TADA2A: variants seen among roughly 807,000 people sequenced by gnomAD.
The protein encoded by TADA2A is transcriptional adaptor 2A, also known as transcriptional adapter 2-alpha.
Under a neutral mutation model 67.4 loss-of-function variants are expected in TADA2A, and 38 were observed. The observed-to-expected ratio is 0.56, with a 90% CI of 0.44 to 0.74. The LOEUF (loss-of-function observed/expected upper bound fraction) is 0.74. Among genes scored for constraint, TADA2A ranks in the 30% least tolerant of loss-of-function variants. The pLI is 0.00. For missense variants in TADA2A, 454 were observed against 547.0 expected (o/e 0.83, Z 1.70); for synonymous variants, 192 against 181.6 (o/e 1.06, Z -0.46).
chr17:37,441,479 CG>C (rs987994628), intron 6 of TADA2A, among the ~76,000 whole-genome samples: 46 of 152,166 alleles, frequency 3.0e-4, no homozygotes, highest in African/African-American at 1.1e-3. Context: ...ATCTCATGTG[CG>C]TGTGGGACCA....
intron 11 of TADA2A, among the ~76,000 whole-genome samples, chr17:37,466,692 TC>T (rs1400981970): frequency 6.6e-6 from 1 of 152,170 alleles, no homozygotes; most frequent in African/African-American, 2.4e-5. Context: ...ATCCTTTACT[TC>T]CTGTCCCAGT....
chr17:37,464,648 T>C (rs1174701624), intron 10 of TADA2A, among the ~76,000 whole-genome samples: 1 of 151,398 alleles, frequency 6.6e-6, no homozygotes, highest in Non-Finnish European at 1.5e-5. Flanking sequence ...AAGACCAGCC[T>C]GGCCAACATG....
intron 7 of TADA2A, among the ~76,000 whole-genome samples, chr17:37,444,259 CAAAAAA>C (rs5820215): frequency 7.6e-6 from 1 of 132,082 alleles, no homozygotes; most frequent in African/African-American, 2.9e-5. Flanking sequence ...ACCCTGTTTC[CAAAAAA>C]AAAAAAAAAA....
At chr17:37,441,517 A>C (rs1259555715) in intron 6 of TADA2A, among the ~76,000 whole-genome samples, 1 of 152,172 alleles carries the variant, frequency 6.6e-6, no homozygotes, top group Non-Finnish European at 1.5e-5. Flanking sequence ...AATATAACCA[A>C]AAACATGATG....
chr17:37,476,994 C>T lies in TADA2A; in HGVS notation c.*12C>T. 1 of 1,594,360 alleles carries T rather than the reference C, an allele frequency of 6.3e-7. No homozygotes were observed. Among genetic ancestry groups the T allele is most frequent in the South Asian group, 1.1e-5 (1 of 89,606 alleles). ...TCACTAAAGGCTAAGGCTCCAAGAG[C>T]TTGGGATCAGAAGTCAGAAGTTTGG... is the stretch of plus-strand genomic sequence containing the variant. On this transcript the variant is annotated 3_prime_UTR_variant, in exon 16 of 16. Transcript: ENST00000615182.
chr17:37,408,714 A>G (rs923175682), intron 1 of TADA2A: 1 of 152,182 alleles, frequency 6.6e-6, no homozygotes, highest in Non-Finnish European at 1.5e-5. Context: ...GTACCTAGCA[A>G]ATTGAAAAAG....
chr17:37,416,052 C>T (rs1038539708), intron 2 of TADA2A, among the ~76,000 whole-genome samples: 1 of 151,030 alleles, frequency 6.6e-6, no homozygotes, highest in Non-Finnish European at 1.5e-5. Context: ...TTTTATGTCT[C>T]TTTTTTTTCC....
intron 7 of TADA2A, among the ~76,000 whole-genome samples, chr17:37,444,285 G>GACTTTATTTATTT (rs1286594649): frequency 5.4e-5 from 8 of 148,690 alleles, no homozygotes; most frequent in Non-Finnish European, 8.9e-5. Context: ...AGAATGAATT[G>GACTTTATTTATTT]ACTTTATTTA....
intron 2 of TADA2A, among the ~76,000 whole-genome samples, chr17:37,420,026 C>A (rs916088929): frequency 1.4e-5 from 2 of 138,534 alleles, no homozygotes; most frequent in East Asian, 2.3e-4. Flanking sequence ...AAAAAAAAAA[C>A]TACTTTGCTC....
intron 2 of TADA2A, among the ~76,000 whole-genome samples, chr17:37,415,820 G>A (rs1408898214): frequency 6.8e-6 from 1 of 146,976 alleles, no homozygotes; most frequent in South Asian, 2.1e-4. Flanking sequence ...GTTGCAGTGA[G>A]CCAAGATTGT....
At chr17:37,421,892 T>A (rs2052244379) in intron 2 of TADA2A, among the ~76,000 whole-genome samples, 1 of 146,622 alleles carries the variant, frequency 6.8e-6, no homozygotes, top group African/African-American at 2.5e-5. Flanking sequence ...TTTTATTTTT[T>A]TTTGGAGACG....
At position 37,478,539 on chromosome 17, in the gene TADA2A, G is replaced by A. The variant is rs1408241753; in HGVS notation, c.*1557G>A. 6.6e-6 allele frequency: 1 copy of A among 152,134 alleles called. No individual in the cohort carries two copies. Among genetic ancestry groups the A allele is most frequent in the East Asian group, 1.9e-4 (1 of 5,192 alleles). The allele number at this position is 152,134 out of a possible 1,614,324, so 9.4% of individuals were successfully genotyped here. The stretch of plus-strand genomic sequence containing the variant: ...ACAGAAGTAAAGCAGCTTTATATAT[G>A]GGACTCACTAGATATGAGGGTAAGT... On this transcript the variant is annotated 3_prime_UTR_variant, in exon 16 of 16. Transcript: ENST00000615182.
intron 3 of TADA2A, among the ~76,000 whole-genome samples, chr17:37,425,663 T>G (rs975989338): frequency 2.6e-5 from 4 of 152,116 alleles, no homozygotes; most frequent in Admixed American, 1.3e-4. Flanking sequence ...TTTTTTATTT[T>G]TTTGAGACAG....
At position 37,449,619 on chromosome 17, in the gene TADA2A, ATTT is replaced by A. The variant is rs11337212; in HGVS notation, c.604+4867_604+4869del. ...ATACTTAGCTGTCTTTACAATCTTGATTTTTTTTTTTTTTTTTTGAGACAGGGT... is the reference window on the plus strand; with the variant it reads ...ATACTTAGCTGTCTTTACAATCTTGATTTTTTTTTTTTTTTGAGACAGGGT... On this transcript the variant is annotated intron_variant, in intron 8 of 15. Transcript: ENST00000615182. Among the ~76,000 whole-genome samples the A allele has an allele frequency of 3.8e-3, 521 of 136,692 alleles. 2 individuals carry two copies. Among genetic ancestry groups the A allele is most frequent in the African/African-American group, 0.011 (395 of 36,554 alleles). The allele number at this position is 136,692 out of a possible 152,430, so 89.7% of individuals were successfully genotyped here. A position where few individuals can be genotyped will look rare whatever the true frequency, so the allele number is the denominator to read the frequency against.
At chr17:37,426,663 CAGAAAAAAAAAAAAAA>C in intron 3 of TADA2A, 1 of 97,680 alleles carries the variant, frequency 1.0e-5, no homozygotes. Context: ...GACTCCGTCT[CAGAAAAAAAAAAAAAA>C]AAAAAAAAAA....
At chr17:37,439,944 TA>T (rs1426732082) in intron 5 of TADA2A, among the ~76,000 whole-genome samples, 89 of 47,116 alleles carry the variant, frequency 1.9e-3, no homozygotes, top group Non-Finnish European at 2.9e-3. Flanking sequence ...ATTTATTTAT[TA>T]TTTTTTTTTT....
At position 37,479,452 on chromosome 17, in the gene TADA2A, GATT is replaced by G. The variant is rs1655802543; in HGVS notation, c.*2477_*2479del. 6.6e-6 allele frequency: 1 copy of G among 152,240 alleles called. No homozygotes were observed. Among genetic ancestry groups the G allele is most frequent in the Non-Finnish European group, 1.5e-5 (1 of 68,002 alleles). 9.4% of individuals were successfully genotyped at this position (152,240 alleles called of 1,614,324 possible). The stretch of plus-strand genomic sequence containing the variant: ...TAAATGACTGGATTTTTGAAAGTAG[GATT>G]ATTATTTCTTTGGTATACCGAACTT... On this transcript the variant is annotated 3_prime_UTR_variant, in exon 16 of 16. Coordinates refer to ENST00000615182, the MANE Select transcript of TADA2A (RefSeq NM_001166105.3).
At chr17:37,430,235 A>G (rs1478248908) in intron 4 of TADA2A, among the ~76,000 whole-genome samples, 1 of 152,190 alleles carries the variant, frequency 6.6e-6, no homozygotes, top group Non-Finnish European at 1.5e-5. Flanking sequence ...CGTATTCAAC[A>G]CCCATACAAT....
At chr17:37,463,068 G>A (rs1342380591) in intron 10 of TADA2A, among the ~76,000 whole-genome samples, 1 of 152,004 alleles carries the variant, frequency 6.6e-6, no homozygotes, top group Non-Finnish European at 1.5e-5. Context: ...GAACTCCTGG[G>A]TGCAAGTGAT....
Sources: gnomAD v4.1 joint callset for allele counts (sites outside exome capture counted in the v4.1 genomes callset) on GRCh38, gnomAD v4.1.1 for gene constraint, MANE v1.5 for transcripts, NCBI Gene and HGNC (gene_info 2026-07-23, HGNC 2026-07-21) for gene names.